The following NPAS3 variants were observed in gnomAD, a reference collection of about 807,000 sequenced individuals.
The protein encoded by NPAS3 is neuronal PAS domain-containing protein 3.
Under a neutral mutation model 73.1 loss-of-function variants are expected in NPAS3, and 14 were observed. The ratio of observed to expected loss-of-function variants is 0.19; its 90% CI spans 0.13 to 0.30. The LOEUF is 0.30. Ranked by LOEUF, NPAS3 falls within the 10% of genes least tolerant of loss-of-function variation. NPAS3 has a pLI of 1.00. For synonymous variants in NPAS3, 620 were observed against 541.5 expected (o/e 1.14, Z -2.01); for missense variants, 1,096 against 1,250.0 (o/e 0.88, Z 1.86).
chr14:33,594,272 TTTGTTGTTG>T (rs372935827), intron 5 of NPAS3, among the ~76,000 whole-genome samples: 1 of 151,898 alleles, frequency 6.6e-6, no homozygotes, highest in African/African-American at 2.4e-5. Context: ...GCTATTATTG[TTTGTTGTTG>T]TTGTTGTTGT....
intron 4 of NPAS3, among the ~76,000 whole-genome samples, chr14:33,408,415 A>C (rs141535363): frequency 6.6e-6 from 1 of 152,004 alleles, no homozygotes; most frequent in Non-Finnish European, 1.5e-5. Context: ...TGCCATACAC[A>C]TGGAAAAGGG....
intron 4 of NPAS3, among the ~76,000 whole-genome samples, chr14:33,389,262 G>A (rs777698312): frequency 1.3e-5 from 2 of 152,130 alleles, no homozygotes; most frequent in African/African-American, 4.8e-5. Context: ...TCATCATCGC[G>A]ACTGCTTTGT....
intron 3 of NPAS3, among the ~76,000 whole-genome samples, chr14:33,285,132 T>C (rs1190493399): frequency 6.6e-6 from 1 of 152,132 alleles, no homozygotes; most frequent in Admixed American, 6.5e-5. Flanking sequence ...TTAAATAAAA[T>C]ATCCACTTGG....
rs57230261 is a variant in NPAS3, at chr14:33,089,238, C to G, written c.140+33244C>G. On this transcript the variant is annotated intron_variant, in intron 2 of 11. Coordinates refer to ENST00000356141, the Ensembl canonical transcript of NPAS3. Reference sequence around the variant, plus strand: ...GAAATTAGAACCCATCGCAAAGAAGCTAAAAGCTTTGAGAAAAGATTAGAT... The same window carrying G: ...GAAATTAGAACCCATCGCAAAGAAGGTAAAAGCTTTGAGAAAAGATTAGAT... 2.7e-3 allele frequency among the ~76,000 whole-genome samples: 410 copies of G among 152,232 alleles called. 1 individual carries two copies. The highest frequency in any genetic ancestry group is 9.5e-3 in the African/African-American group (396 of 41,552).
chr14:33,009,265 G>T (rs771635786), intron 1 of NPAS3, among the ~76,000 whole-genome samples: 4 of 152,110 alleles, frequency 2.6e-5, no homozygotes, highest in Non-Finnish European at 5.9e-5. Flanking sequence ...AAAACCAAAA[G>T]ACATCATAGT....
At chr14:32,989,308 C>A (rs1296274) in intron 1 of NPAS3, among the ~76,000 whole-genome samples, 53,929 of 152,000 alleles carry the variant, frequency 0.35, 10,627 homozygotes, top group African/African-American at 0.54. Flanking sequence ...AGAGGTAGTC[C>A]TATACAGGAA....
downstream of NPAS3, chr14:33,801,253 T>C: frequency 1.4e-6 from 2 of 1,424,174 alleles, no homozygotes; most frequent in Admixed American, 2.8e-5. Flanking sequence ...CACCCCCTCT[T>C]TCTTTCACCT....
At chr14:33,707,326 GTTTC>G (rs2060684139) in intron 6 of NPAS3, among the ~76,000 whole-genome samples, 2 of 137,588 alleles carry the variant, frequency 1.5e-5, no homozygotes, top group Non-Finnish European at 3.2e-5. Flanking sequence ...AGAGCAGCTG[GTTTC>G]TTTTTCTTCT....
In NPAS3 at chr14:33,139,513, G is replaced by A. The variant is rs555235457; in HGVS notation, c.141-75669G>A. Among the ~76,000 whole-genome samples the A allele has an allele frequency of 1.3e-4, 20 of 152,228 alleles. No homozygotes were observed. In the South Asian group the frequency reaches 2.5e-3, roughly 19 times the overall value. On this transcript the variant is annotated intron_variant, in intron 2 of 11. Coordinates refer to ENST00000356141, the Ensembl canonical transcript of NPAS3. ...TTGGGTGAATTGAGAAGATGTGGACGGGGTGGAGGATGTGGTTTCTTAAAT... is the reference window on the plus strand; with the variant it reads ...TTGGGTGAATTGAGAAGATGTGGACAGGGTGGAGGATGTGGTTTCTTAAAT...
At chr14:33,307,375 G>A (rs1377226267) in intron 3 of NPAS3, among the ~76,000 whole-genome samples, 1 of 151,950 alleles carries the variant, frequency 6.6e-6, no homozygotes, top group African/African-American at 2.4e-5. Flanking sequence ...TTTTATTTTG[G>A]AGATTGTATA....
intron 4 of NPAS3, among the ~76,000 whole-genome samples, chr14:33,456,231 T>C (rs957705919): frequency 1.3e-5 from 2 of 152,206 alleles, no homozygotes; most frequent in African/African-American, 4.8e-5. Flanking sequence ...GCCCTGCATC[T>C]AATTTCCAGT....
chr14:33,074,882 A>G (rs1284767074), intron 2 of NPAS3, among the ~76,000 whole-genome samples: 1 of 152,208 alleles, frequency 6.6e-6, no homozygotes, highest in African/African-American at 2.4e-5. Flanking sequence ...ATTATGAACT[A>G]CAAGATTCAC....
At chr14:33,481,458 T>A (rs1164083951) in intron 4 of NPAS3, among the ~76,000 whole-genome samples, 1 of 152,152 alleles carries the variant, frequency 6.6e-6, no homozygotes, top group African/African-American at 2.4e-5. Flanking sequence ...TTTACAGAAT[T>A]TACCCCATTA....
chr14:33,089,970 G>A (rs1286558282), intron 2 of NPAS3, among the ~76,000 whole-genome samples: 2 of 152,114 alleles, frequency 1.3e-5, no homozygotes, highest in Non-Finnish European at 2.9e-5. Context: ...TCACCACCAG[G>A]TCTGCCCTAC....
At chr14:33,512,759 C>T (rs900963292) in intron 4 of NPAS3, among the ~76,000 whole-genome samples, 14 of 151,936 alleles carry the variant, frequency 9.2e-5, no homozygotes, top group African/African-American at 2.7e-4. Context: ...ATTTATTTCT[C>T]GTAGATGTGG....
chr14:33,373,281 A>C (rs2140444535), intron 4 of NPAS3, among the ~76,000 whole-genome samples: 1 of 152,286 alleles, frequency 6.6e-6, no homozygotes, highest in South Asian at 2.1e-4. Context: ...CATAGTAATA[A>C]TGCTGCTTTA....
In NPAS3 at chr14:33,800,670, G is replaced by A. The variant is rs780171709; in HGVS notation, c.2363G>A (p.Gly788Glu). Residue 788 changes from glycine to glutamate, a missense_variant, in exon 12 of 12, where the codon GGG becomes GAG. Coordinates refer to ENST00000356141, the Ensembl canonical transcript of NPAS3. This position sits in a 1 kb window ranked among gnomAD's most constrained non-coding sequence, Gnocchi z 6.5. ...GCGTCCAACTCCTTGCTGTACACTG[G>A]GGACCTGGAGGCGCTGCAGAGGTTG... 5 of 1,543,242 alleles carry A rather than the reference G, an allele frequency of 3.2e-6. No individual in the cohort carries two copies. In the South Asian group the frequency reaches 4.8e-5, roughly 15 times the overall value.
At chr14:33,156,785 T>C (rs2044662788) in intron 2 of NPAS3, among the ~76,000 whole-genome samples, 1 of 152,204 alleles carries the variant, frequency 6.6e-6, no homozygotes, top group African/African-American at 2.4e-5. Context: ...TTTTGCATTT[T>C]AGTTCTCAGA....
chr14:32,998,231 G>A (rs1367064286), intron 1 of NPAS3, among the ~76,000 whole-genome samples: 2 of 152,220 alleles, frequency 1.3e-5, no homozygotes, highest in African/African-American at 4.8e-5. Flanking sequence ...ATGTACCAGT[G>A]TGGATGAACC....
Sources: gnomAD v4.1 joint callset for allele counts (sites outside exome capture counted in the v4.1 genomes callset) on GRCh38, gnomAD v4.1.1 for gene constraint, Gnocchi (gnomAD v3.1) non-coding constraint, MANE v1.5 for transcripts, NCBI Gene and HGNC (gene_info 2026-07-23, HGNC 2026-07-21) for gene names.